Variants in HS6ST3 observed in about 807,000 individuals in gnomAD.
The protein encoded by HS6ST3 is heparan sulfate 6-O-sulfotransferase 3.
In HS6ST3, 12 loss-of-function variants were observed where a neutral mutation model predicts 36.7. The observed-to-expected ratio is 0.33, with a 90% CI of 0.21 to 0.53. HS6ST3 has a LOEUF of 0.53. Ranked by LOEUF, HS6ST3 falls within the 20% of genes least tolerant of loss-of-function variation. The pLI, the probability that HS6ST3 is intolerant of heterozygous loss-of-function variation, is 0.95. For synonymous variants in HS6ST3, 240 were observed against 257.5 expected (o/e 0.93, Z 0.65); for missense variants, 584 against 640.9 (o/e 0.91, Z 0.96).
At chr13:96,399,609 A>G (rs1318929516) in intron 1 of HS6ST3, among the ~76,000 whole-genome samples, 2 of 152,246 alleles carry the variant, frequency 1.3e-5, no homozygotes, top group African/African-American at 4.8e-5. Flanking sequence ...TAAATAAAAT[A>G]TTTGAATGTT....
intron 1 of HS6ST3, among the ~76,000 whole-genome samples, chr13:96,743,861 G>A (rs1876500639): frequency 6.6e-6 from 1 of 151,946 alleles, no homozygotes; most frequent in Non-Finnish European, 1.5e-5. Flanking sequence ...TGATTTATTG[G>A]AGCATGGTAC....
At chr13:96,500,436 G>T (rs897041402) in intron 1 of HS6ST3, among the ~76,000 whole-genome samples, 3 of 152,152 alleles carry the variant, frequency 2.0e-5, no homozygotes, top group Middle Eastern at 3.4e-3. Flanking sequence ...TTTTTCTTGG[G>T]TATATACCTG....
chr13:96,402,697 T>G (rs1163259006), intron 1 of HS6ST3, among the ~76,000 whole-genome samples: 1 of 152,254 alleles, frequency 6.6e-6, no homozygotes, highest in Non-Finnish European at 1.5e-5. Context: ...TGTGTCGTGC[T>G]TTTATTTGGA....
intron 1 of HS6ST3, among the ~76,000 whole-genome samples, chr13:96,182,390 T>A (rs1278081858): frequency 1.3e-5 from 2 of 152,206 alleles, no homozygotes; most frequent in Non-Finnish European, 2.9e-5. Flanking sequence ...CTAAAATAAC[T>A]CTGCTCACTA....
intron 1 of HS6ST3, among the ~76,000 whole-genome samples, chr13:96,140,643 A>G (rs951529556): frequency 2.6e-5 from 4 of 152,248 alleles, no homozygotes; most frequent in African/African-American, 7.2e-5. Flanking sequence ...TGAATTTTGC[A>G]TAAAGACCAT....
chr13:96,449,979 T>C (rs776341716), intron 1 of HS6ST3, among the ~76,000 whole-genome samples: 10 of 152,188 alleles, frequency 6.6e-5, no homozygotes, highest in Non-Finnish European at 1.3e-4. Context: ...AGATAAAACA[T>C]GTACCCTGGA....
At chr13:96,496,528 C>T (rs79609728) in intron 1 of HS6ST3, among the ~76,000 whole-genome samples, 46,917 of 151,946 alleles carry the variant, frequency 0.31, 9,282 homozygotes, top group Non-Finnish European at 0.45. Flanking sequence ...CTGAGACCAC[C>T]ATGTCTCAGC....
At chr13:96,172,711 A>G (rs939122110) in intron 1 of HS6ST3, among the ~76,000 whole-genome samples, 3 of 152,192 alleles carry the variant, frequency 2.0e-5, no homozygotes, top group Non-Finnish European at 4.4e-5. Flanking sequence ...GTTAGAAAAG[A>G]TCTGATATAG....
At chr13:96,490,154 T>G (rs1355563831) in intron 1 of HS6ST3, among the ~76,000 whole-genome samples, 1 of 152,204 alleles carries the variant, frequency 6.6e-6, no homozygotes, top group African/African-American at 2.4e-5. Context: ...TTCTTGGAAT[T>G]ATATTCTTTA....
At chr13:96,571,219 G>C (rs999688539) in intron 1 of HS6ST3, among the ~76,000 whole-genome samples, 1 of 152,166 alleles carries the variant, frequency 6.6e-6, no homozygotes, top group African/African-American at 2.4e-5. Context: ...GGTCAACTCT[G>C]CTTATTGATC....
At chr13:96,809,959 C>T (rs551575496) in intron 1 of HS6ST3, among the ~76,000 whole-genome samples, 13 of 152,196 alleles carry the variant, frequency 8.5e-5, no homozygotes, top group East Asian at 1.9e-4. Flanking sequence ...GGTACTGGTA[C>T]GACAGTGAGA....
At chr13:96,721,409 AAAT>A (rs1875842894) in intron 1 of HS6ST3, among the ~76,000 whole-genome samples, 2 of 152,192 alleles carry the variant, frequency 1.3e-5, no homozygotes, top group South Asian at 2.1e-4. Context: ...ATGTTTGCAT[AAAT>A]AATAATATTT....
chr13:96,809,812 G>A (rs981129768), intron 1 of HS6ST3, among the ~76,000 whole-genome samples: 1 of 152,198 alleles, frequency 6.6e-6, no homozygotes, highest in African/African-American at 2.4e-5. Flanking sequence ...TCTGTGACAA[G>A]AGCTTTAACC....
intron 1 of HS6ST3, among the ~76,000 whole-genome samples, chr13:96,742,588 A>T (rs939617092): frequency 1.1e-4 from 16 of 152,272 alleles, no homozygotes; most frequent in South Asian, 2.1e-4. Context: ...ACTCATGCAC[A>T]TCTTAAAAGA....
chr13:96,596,861 G>A (rs1040248543), intron 1 of HS6ST3, among the ~76,000 whole-genome samples: 1 of 151,884 alleles, frequency 6.6e-6, no homozygotes, highest in Non-Finnish European at 1.5e-5. Context: ...TAAATTTTTC[G>A]ACTATAAAGA....
At chr13:96,633,699 G>T (rs1022527901) in intron 1 of HS6ST3, among the ~76,000 whole-genome samples, 1 of 152,092 alleles carries the variant, frequency 6.6e-6, no homozygotes, top group African/African-American at 2.4e-5. Flanking sequence ...TGGATTGAAC[G>T]TTTGTGTTCA....
intron 1 of HS6ST3, among the ~76,000 whole-genome samples, chr13:96,360,603 C>T (rs2055232975): frequency 1.4e-5 from 2 of 143,724 alleles, no homozygotes; most frequent in Non-Finnish European, 3.0e-5. Flanking sequence ...TTGAAATTCT[C>T]AAGAGACAGA....
At chr13:96,640,831 A>G (rs2056567659) in intron 1 of HS6ST3, among the ~76,000 whole-genome samples, 1 of 151,460 alleles carries the variant, frequency 6.6e-6, no homozygotes, top group Non-Finnish European at 1.5e-5. Context: ...TTGCTTTTTT[A>G]TTGACTTTGT....
chr13:96,726,551 G>A (rs527852037), intron 1 of HS6ST3, among the ~76,000 whole-genome samples: 1 of 152,098 alleles, frequency 6.6e-6, no homozygotes, highest in African/African-American at 2.4e-5. Flanking sequence ...TTTAAATATT[G>A]GTCTTTATTA....
Sources: allele counts gnomAD v4.1 joint callset (sites outside exome capture counted in the v4.1 genomes callset), GRCh38; gene constraint gnomAD v4.1.1; transcripts MANE v1.5; gene names NCBI Gene and HGNC (gene_info 2026-07-23, HGNC 2026-07-21).